The following FRMPD3 variants were observed in gnomAD, a reference collection of about 807,000 sequenced individuals.
The protein encoded by FRMPD3 is FERM and PDZ domain containing 3, also known as FERM and PDZ domain-containing protein 3.
A neutral mutation model predicts 97.9 loss-of-function variants in FRMPD3; 42 were observed. The observed-to-expected ratio is 0.43, with a 90% confidence interval of 0.34 to 0.55. The LOEUF is 0.55. Ranked by LOEUF, FRMPD3 falls within the 20% of genes least tolerant of loss-of-function variation. FRMPD3 has a pLI of 0.03. For missense variants in FRMPD3, 1,303 were observed against 1,457.7 expected (o/e 0.89, Z 1.73); for synonymous variants, 577 against 581.1 (o/e 0.99, Z 0.10).
rs1931517007 is a variant in FRMPD3 at position 107,463,903 on chromosome X, T to C, written c.-8+13898T>C. ...CTGAGAGCCCTAGTATGGGGGATGG[T>C]AAGATGTGATGATTTCAGGTGGAAG... is the stretch of plus-strand genomic sequence containing the variant. On this transcript the variant is annotated intron_variant, in intron 1 of 14. Coordinates refer to ENST00000683843, the MANE Select transcript of FRMPD3 (RefSeq NM_001388459.1). Among the ~76,000 whole-genome samples the C allele has an allele frequency of 2.7e-5, 3 of 112,305 alleles. No homozygotes were observed. In the Admixed American group the frequency reaches 2.8e-4, roughly 11 times the overall value.
chrX:107,487,622 A>T (rs1217473350), intron 1 of FRMPD3, among the ~76,000 whole-genome samples: 3 of 111,530 alleles, frequency 2.7e-5, no homozygotes, highest in Non-Finnish European at 1.9e-5. Context: ...GAAAAGAAAG[A>T]GTTCCACGGA....
intron 1 of FRMPD3, among the ~76,000 whole-genome samples, chrX:107,478,017 A>G (rs552406227): frequency 1.9e-4 from 21 of 111,488 alleles, no homozygotes; most frequent in Middle Eastern, 9.1e-3. Context: ...TCCTCTGGCT[A>G]TCAGAATCCT....
At chrX:107,501,007 C>T (rs1216055933) in intron 1 of FRMPD3, among the ~76,000 whole-genome samples, 1 of 111,294 alleles carries the variant, frequency 9.0e-6, no homozygotes, top group East Asian at 2.8e-4. Context: ...TATCCTTCAC[C>T]TCTAGTTAGA....
chrX:107,540,201 T>C (rs1427376342), intron 4 of FRMPD3, among the ~76,000 whole-genome samples: 1 of 111,963 alleles, frequency 8.9e-6, no homozygotes, highest in Non-Finnish European at 1.9e-5. Context: ...GAAGGCCCCC[T>C]GGTTCCCCTA....
At chrX:107,562,634 T>C (rs775382197) in intron 10 of FRMPD3, among the ~76,000 whole-genome samples, 5 of 112,216 alleles carry the variant, frequency 4.5e-5, no homozygotes, top group Non-Finnish European at 9.4e-5. Flanking sequence ...CCAGTGTGAC[T>C]CACAGGTTTC....
At chrX:107,502,760 A>G (rs1044818273) in intron 1 of FRMPD3, among the ~76,000 whole-genome samples, 4 of 112,983 alleles carry the variant, frequency 3.5e-5, no homozygotes, top group African/African-American at 1.3e-4. Flanking sequence ...CTAGAATGGA[A>G]TCCTGGACTA....
intron 1 of FRMPD3, among the ~76,000 whole-genome samples, chrX:107,520,457 T>G (rs1164150817): frequency 1.9e-5 from 2 of 105,872 alleles, no homozygotes; most frequent in Non-Finnish European, 3.9e-5. Context: ...CTAGCCAATA[T>G]GGCAAAACCC....
intron 13 of FRMPD3, among the ~76,000 whole-genome samples, chrX:107,589,065 G>T (rs765929956): frequency 9.0e-6 from 1 of 110,566 alleles, no homozygotes; most frequent in Non-Finnish European, 1.9e-5. Flanking sequence ...ATCTTCCGAA[G>T]CCTACTTCTG....
chrX:107,560,975 G>A lies in FRMPD3; in HGVS notation c.1026+122G>A, dbSNP rs142397298. On this transcript the variant is annotated intron_variant, in intron 10 of 14. Transcript: ENST00000683843. ...CCTCACCACTGCTTTTGACTCAGGT[G>A]CACATACGGCTTGGCCAGGTGTGGG... 2.7e-3 allele frequency: 2,068 copies of A among 774,544 alleles called. 30 individuals carry two copies. In the African/African-American group the frequency reaches 0.038, roughly 14 times the overall value. 63.8% of individuals were successfully genotyped at this position (774,544 alleles called of 1,213,427 possible). A position where few individuals can be genotyped will look rare whatever the true frequency, so the allele number is the denominator to read the frequency against.
chrX:107,498,570 A>G (rs764518982), intron 1 of FRMPD3, among the ~76,000 whole-genome samples: 1 of 112,055 alleles, frequency 8.9e-6, no homozygotes, highest in East Asian at 2.8e-4. Flanking sequence ...AATGCTGGAA[A>G]TCCCCTTCAG....
chrX:107,583,891 CAG>C (rs1428464595), intron 13 of FRMPD3, among the ~76,000 whole-genome samples: 3 of 92,322 alleles, frequency 3.2e-5, no homozygotes, highest in Non-Finnish European at 2.1e-5. Context: ...TTTTTTGAGA[CAG>C]AGTCTCACTC....
chrX:107,500,392 T>C (rs1488274389), intron 1 of FRMPD3, among the ~76,000 whole-genome samples: 1 of 112,537 alleles, frequency 8.9e-6, no homozygotes, highest in Non-Finnish European at 1.9e-5. Flanking sequence ...TTGAAAACAC[T>C]GTGTAGGTCA....
At position 107,553,401 on chromosome X, in the gene FRMPD3, C is replaced by T. The variant is rs145610978; in HGVS notation, c.642+475C>T. Among the ~76,000 whole-genome samples the T allele has an allele frequency of 5.6e-4, 60 of 107,430 alleles. 1 individual carries two copies. The East Asian group carries it at 8.9e-3, about 16-fold the overall frequency. 93.3% of individuals were successfully genotyped at this position (107,430 alleles called of 115,157 possible). A position where few individuals can be genotyped will look rare whatever the true frequency, so the allele number is the denominator to read the frequency against. On this transcript the variant is annotated intron_variant, in intron 7 of 14. Transcript: ENST00000683843. ...AGCCAAAAATAGGCGGCATGTCACCCACATCAATTTACAAGGTAGAGTAGG... is the reference window on the plus strand; with the variant it reads ...AGCCAAAAATAGGCGGCATGTCACCTACATCAATTTACAAGGTAGAGTAGG...
chrX:107,591,189 C>T lies in FRMPD3; in HGVS notation c.1442-6132C>T, dbSNP rs1295274385. On this transcript the variant is annotated intron_variant, in intron 13 of 14. Transcript: ENST00000683843. ...TTTTTTTTTTTGAGATGGCGTTTTG[C>T]TCTTGTTGCCCAGGCTGGAGTGCAA... Among the ~76,000 whole-genome samples the T allele has an allele frequency of 3.0e-5, 3 of 101,217 alleles. No individual in the cohort carries two copies. In the East Asian group the frequency reaches 9.1e-4, roughly 31 times the overall value. The allele number at this position is 101,217 out of a possible 115,157, so 87.9% of individuals were successfully genotyped here.
rs775581666 is a variant in FRMPD3, at chrX:107,597,579, A to C, written c.1700A>C (p.Lys567Thr). 8.1e-5 allele frequency: 98 copies of C among 1,208,736 alleles called. No individual in the cohort carries two copies. Among genetic ancestry groups the C allele is most frequent in the Non-Finnish European group, 1.0e-4 (93 of 895,083 alleles). Reference sequence around the variant, plus strand: ...CGAACCAAGTCTGACCCCACATCCAAAAGCTCTGGCCAAGGTTATGAGGTA... The same window carrying C: ...CGAACCAAGTCTGACCCCACATCCACAAGCTCTGGCCAAGGTTATGAGGTA... The part of the protein sequence containing the change: ...RPRTKSDPTS[K>T]SSGQGYEVVP... Residue 567 changes from lysine to threonine, a missense_variant, in exon 14 of 15, where the codon AAA becomes ACA. Lys to Thr is a moderately conservative substitution (Grantham distance 78). Around this residue, in one of 3 missense-constraint regions of FRMPD3, gnomAD observed 535 missense variants for 618.6 expected, o/e 0.86. Coordinates refer to ENST00000683843, the MANE Select transcript of FRMPD3 (RefSeq NM_001388459.1).
chrX:107,602,718 C>G lies in FRMPD3; in HGVS notation c.4679C>G (p.Thr1560Ser). ...AGCAGCAGCCCTGAGGCCTCCCGCA[C>G]TCAGGAGATTGACCTCCGTGTGTCC... ...CSSSSPEASRTQEIDLRVSTF... is the reference protein window; with the variant it reads ...CSSSSPEASRSQEIDLRVSTF... The change falls in exon 15 of 15, where the codon ACT becomes AGT. Residue 1560 changes from threonine to serine, a missense_variant. Thr to Ser is a moderately conservative substitution (Grantham distance 58). Transcript: ENST00000683843. 8.3e-7 allele frequency: 1 copy of G among 1,209,300 alleles called. No individual in the cohort carries two copies. Among genetic ancestry groups the G allele is most frequent in the Non-Finnish European group, 1.1e-6 (1 of 895,127 alleles).
intron 13 of FRMPD3, among the ~76,000 whole-genome samples, chrX:107,592,555 A>G (rs888711561): frequency 5.4e-5 from 6 of 111,040 alleles, no homozygotes; most frequent in African/African-American, 1.6e-4. Flanking sequence ...GGCTGGTTCC[A>G]TATTTTTGCA....
intron 1 of FRMPD3, among the ~76,000 whole-genome samples, chrX:107,480,775 G>A (rs1921324205): frequency 1.0e-5 from 1 of 99,957 alleles, no homozygotes; most frequent in African/African-American, 3.7e-5. Context: ...GTTGCAGTGA[G>A]CCAAGATCAC....
intron 4 of FRMPD3, chrX:107,545,051 G>A (rs1198720335): frequency 8.9e-6 from 1 of 112,063 alleles, no homozygotes; most frequent in Non-Finnish European, 1.9e-5. Context: ...TTGCACTCCA[G>A]CCTAGGCGAC....
Sources: allele counts gnomAD v4.1 joint callset (sites outside exome capture counted in the v4.1 genomes callset), GRCh38; gene constraint gnomAD v4.1.1; regional missense constraint gnomAD v4.1.1; transcripts MANE v1.5; gene names NCBI Gene and HGNC (gene_info 2026-07-23, HGNC 2026-07-21).